The following ITCH variants were observed in gnomAD, a reference collection of about 807,000 sequenced individuals.
ITCH encodes itchy E3 ubiquitin protein ligase, also known as E3 ubiquitin-protein ligase Itchy homolog.
ITCH carries 28 observed loss-of-function variants against 126.8 expected under a neutral mutation model. That is an observed-to-expected ratio of 0.22 (90% CI 0.16 to 0.30). The LOEUF is 0.30. Among genes scored for constraint, ITCH ranks in the 10% least tolerant of loss-of-function variants. ITCH has a pLI of 1.00. For missense variants in ITCH, 631 were observed against 1,032.4 expected (o/e 0.61, Z 5.33); for synonymous variants, 342 against 340.0 (o/e 1.01, Z -0.06).
intron 2 of ITCH, among the ~76,000 whole-genome samples, chr20:34,384,711 A>C (rs1309700504): frequency 7.9e-6 from 1 of 126,654 alleles, no homozygotes; most frequent in Admixed American, 1.0e-4. Flanking sequence ...CCCAGGCTGG[A>C]GTGCAGTGGC....
At chr20:34,455,158 G>A (rs1985757013) in intron 12 of ITCH, among the ~76,000 whole-genome samples, 1 of 152,036 alleles carries the variant, frequency 6.6e-6, no homozygotes, top group African/African-American at 2.4e-5. Context: ...TCAAACCACA[G>A]GAAATAAAAA....
rs1568591615 is a variant in ITCH, at chr20:34,511,131, CCTTT to C, written c.*3338_*3341del. On this transcript the variant is annotated 3_prime_UTR_variant, in exon 25 of 25. Coordinates refer to ENST00000374864, the MANE Select transcript of ITCH (RefSeq NM_031483.7). ...TATTGTTGGTATCTCCAGCCCCCCTCCTTTTTTTGTTTTTCTTTTAGTTATTTAC... is the reference window on the plus strand; with the variant it reads ...TATTGTTGGTATCTCCAGCCCCCCTCTTTTGTTTTTCTTTTAGTTATTTAC... The C allele has an allele frequency of 6.6e-6, 1 of 152,158 alleles. No individual in the cohort carries two copies. Among genetic ancestry groups the C allele is most frequent in the African/African-American group, 2.4e-5 (1 of 41,444 alleles). 9.4% of individuals were successfully genotyped at this position (152,158 alleles called of 1,614,324 possible).
intron 14 of ITCH, chr20:34,466,441 T>C: frequency 2.0e-6 from 1 of 504,690 alleles, no homozygotes; most frequent in Non-Finnish European, 3.9e-6. Context: ...TTTATACTTC[T>C]ACACATTAAC....
chr20:34,474,396 T>A (rs1380597747), intron 16 of ITCH, among the ~76,000 whole-genome samples: 4 of 152,204 alleles, frequency 2.6e-5, no homozygotes, highest in African/African-American at 9.6e-5. Flanking sequence ...AAGCATCTGT[T>A]TAACAAAGCA....
At chr20:34,454,177 G>A (rs1202433740) in intron 12 of ITCH, among the ~76,000 whole-genome samples, 1 of 145,712 alleles carries the variant, frequency 6.9e-6, no homozygotes, top group Non-Finnish European at 1.5e-5. Flanking sequence ...TCGCTCTGTC[G>A]CCCAGGCTGG....
chr20:34,479,870 T>C, intron 18 of ITCH, 81 bp downstream of exon 18: 1 of 1,231,806 alleles, frequency 8.1e-7, no homozygotes, highest in South Asian at 1.2e-5. Context: ...ACAGATCATA[T>C]GAGAGAAAGG....
Position 34,369,568 on chromosome 20 carries a change from T to C in ITCH, c.-22+98T>C, listed in dbSNP as rs528338812. On this transcript the variant is annotated intron_variant, in intron 2 of 24. Transcript: ENST00000374864. ...TGTGAGGAGAGAGCAGTGTTGATGCTAGCTGCATCAGTTGGTTGAACATAT... is the reference window on the plus strand; with the variant it reads ...TGTGAGGAGAGAGCAGTGTTGATGCCAGCTGCATCAGTTGGTTGAACATAT... 3.6e-5 allele frequency: 14 copies of C among 392,898 alleles called. No individual in the cohort carries two copies. In the South Asian group the frequency reaches 1.8e-3, roughly 50 times the overall value. 24.3% of individuals were successfully genotyped at this position (392,898 alleles called of 1,614,324 possible). A position where few individuals can be genotyped will look rare whatever the true frequency, so the allele number is the denominator to read the frequency against.
intron 23 of ITCH, among the ~76,000 whole-genome samples, chr20:34,497,977 G>T (rs1345586676): frequency 6.6e-6 from 1 of 152,202 alleles, no homozygotes; most frequent in African/African-American, 2.4e-5. Context: ...AACATGGGAT[G>T]TCTTTACATT....
At chr20:34,414,457 C>CT (rs770240058) in intron 6 of ITCH, among the ~76,000 whole-genome samples, 11,220 of 70,860 alleles carry the variant, frequency 0.16, 1,463 homozygotes, top group Non-Finnish European at 0.22. Context: ...ACTTTAAATC[C>CT]TTTTTTTTTT....
chr20:34,399,664 AC>A (rs2038801485), intron 3 of ITCH, among the ~76,000 whole-genome samples: 1 of 151,724 alleles, frequency 6.6e-6, no homozygotes, highest in Non-Finnish European at 1.5e-5. Flanking sequence ...ACATGGTGAA[AC>A]CCTGTTTCTA....
At chr20:34,484,652 A>G (rs894493160) in intron 20 of ITCH, among the ~76,000 whole-genome samples, 1 of 152,228 alleles carries the variant, frequency 6.6e-6, no homozygotes, top group African/African-American at 2.4e-5. Context: ...ATCTACTTCA[A>G]TAATGGCTTG....
intron 12 of ITCH, among the ~76,000 whole-genome samples, chr20:34,456,643 AAT>A (rs1370368474): frequency 7.7e-4 from 110 of 143,614 alleles, no homozygotes; most frequent in Non-Finnish European, 1.4e-3. Flanking sequence ...CAAAAAAAAA[AAT>A]ATATATATAT....
intron 11 of ITCH, among the ~76,000 whole-genome samples, chr20:34,447,944 AT>A (rs1418370829): frequency 1.3e-5 from 2 of 152,206 alleles, no homozygotes; most frequent in Non-Finnish European, 2.9e-5. Flanking sequence ...CTATATTGAG[AT>A]TTAAGAGAAA....
chr20:34,440,097 T>G, intron 8 of ITCH, 58 bp from the exon 9 acceptor site: 1 of 1,248,180 alleles, frequency 8.0e-7, no homozygotes, highest in Non-Finnish European at 1.2e-6. Context: ...GTTAAAATTC[T>G]ATCCTGAATT....
intron 1 of ITCH, among the ~76,000 whole-genome samples, chr20:34,367,895 T>C (rs962394126): frequency 1.6e-4 from 25 of 152,328 alleles, no homozygotes; most frequent in African/African-American, 6.0e-4. Flanking sequence ...TTTTAGCCTA[T>C]GCGTCTTGAC....
At chr20:34,379,292 A>G (rs748321832) in intron 2 of ITCH, among the ~76,000 whole-genome samples, 1 of 152,208 alleles carries the variant, frequency 6.6e-6, no homozygotes, top group Non-Finnish European at 1.5e-5. Flanking sequence ...AAAGAAAATT[A>G]GGAAAATATC....
intron 9 of ITCH, 54 bp from the exon 10 acceptor site, chr20:34,442,154 A>G: frequency 7.6e-7 from 1 of 1,318,382 alleles, no homozygotes; most frequent in African/African-American, 1.4e-5. Context: ...ACAGGATTAA[A>G]AAGCCAGGTA....
intron 2 of ITCH, among the ~76,000 whole-genome samples, chr20:34,387,829 C>G (rs1008366068): frequency 6.6e-6 from 1 of 152,030 alleles, no homozygotes; most frequent in East Asian, 1.9e-4. Context: ...CTCAGCCTCC[C>G]AAGTAGCTGG....
At chr20:34,389,013 G>A (rs543060789) in intron 2 of ITCH, among the ~76,000 whole-genome samples, 1 of 152,154 alleles carries the variant, frequency 6.6e-6, no homozygotes, top group Non-Finnish European at 1.5e-5. Context: ...CTTGGTATAT[G>A]TGGGGATTGC....
Sources: gnomAD v4.1 joint callset for allele counts (sites outside exome capture counted in the v4.1 genomes callset) on GRCh38, gnomAD v4.1.1 for gene constraint, MANE v1.5 for transcripts, NCBI Gene and HGNC (gene_info 2026-07-23, HGNC 2026-07-21) for gene names.